The following STK40 variants were observed in gnomAD, a reference collection of about 807,000 sequenced individuals.
STK40 encodes serine/threonine kinase 40.
In STK40, 13 loss-of-function variants were observed where a neutral mutation model predicts 47.9. That is an observed-to-expected ratio of 0.27 (90% CI 0.18 to 0.43). The LOEUF (loss-of-function observed/expected upper bound fraction) is 0.43. Among genes scored for constraint, STK40 ranks in the 20% least tolerant of loss-of-function variants. STK40 has a pLI of 1.00. For missense variants in STK40, 460 were observed against 595.1 expected, an observed-to-expected ratio of 0.77 and a Z score of 2.36; for synonymous variants, 225 against 243.2, an observed-to-expected ratio of 0.93 and a Z score of 0.69.
In STK40 at chr1:36,345,960, G is replaced by A. The variant is rs140271988; in HGVS notation, c.740-1696C>T. On this transcript the variant is annotated intron_variant, in intron 7 of 10. Transcript: ENST00000373132. ...ACGATCATGCCAAACACTAGGTTAA[G>A]GGCATTACATATATATATATATATA... Among the ~76,000 whole-genome samples the A allele has an allele frequency of 6.5e-3, 721 of 111,538 alleles. 2 individuals carry two copies. Among genetic ancestry groups the A allele is most frequent in the African/African-American group, 0.025 (679 of 26,946 alleles). 73.2% of individuals were successfully genotyped at this position (111,538 alleles called of 152,430 possible).
chr1:36,347,123 G>A (rs1646710360), intron 7 of STK40, among the ~76,000 whole-genome samples: 1 of 151,958 alleles, frequency 6.6e-6, no homozygotes, highest in African/African-American at 2.4e-5. Context: ...TCCAGCAGAA[G>A]CGGCAGCTGG....
chr1:36,347,041 C>G (rs1213033024), intron 7 of STK40, among the ~76,000 whole-genome samples: 1 of 152,198 alleles, frequency 6.6e-6, no homozygotes. Flanking sequence ...GTGACTCTAA[C>G]CAAAACCCCC....
At chr1:36,383,280 C>T (rs959892778) in intron 1 of STK40, among the ~76,000 whole-genome samples, 11 of 152,228 alleles carry the variant, frequency 7.2e-5, no homozygotes, top group Non-Finnish European at 1.3e-4. Flanking sequence ...CTACTGCCTT[C>T]CCCAAAGGTC....
At chr1:36,374,706 G>C (rs1557523475) in intron 1 of STK40, among the ~76,000 whole-genome samples, 1 of 152,234 alleles carries the variant, frequency 6.6e-6, no homozygotes, top group Non-Finnish European at 1.5e-5. Context: ...AAGCAGCCAA[G>C]CACCCTGGCT....
intron 1 of STK40, among the ~76,000 whole-genome samples, chr1:36,384,031 CT>C (rs35654052): frequency 0.62 from 81,307 of 131,712 alleles, 24,827 homozygotes; most frequent in Middle Eastern, 0.73. Context: ...TCTTCTTCTT[CT>C]TTTTTTTTTT....
chr1:36,341,784 TG>T lies in STK40; in HGVS notation c.1278del (p.Ile427SerfsTer46). ...TTCCGCAGGTAGCGCTGCGCCAGGA[TG>T]GCCGTGTCCAAGGAGGTCATGGGCT... is the stretch of plus-strand genomic sequence containing the variant. ...DAQPMTSLDT[A>X]ILAQRYLRK On this transcript the variant is annotated frameshift_variant, in exon 11 of 11. Transcript: ENST00000373132. LOFTEE classifies it high-confidence loss of function. 6.2e-7 allele frequency: 1 copy of T among 1,612,252 alleles called. No individual in the cohort carries two copies. Among genetic ancestry groups the T allele is most frequent in the Non-Finnish European group, 8.5e-7 (1 of 1,179,714 alleles).
rs779487504 is a variant in STK40, at chr1:36,344,101, C to A, written c.884+19G>T. On this transcript the variant is annotated intron_variant, in intron 8 of 10. Coordinates refer to ENST00000373132, the MANE Select transcript of STK40 (RefSeq NM_001282547.2). ...ATCAGGCTGGCTGCCCCCCCCACCC[C>A]CCGGGAGGCAGGACTCACTCAGGAA... 6.3e-7 allele frequency: 1 copy of A among 1,583,504 alleles called. No homozygotes were observed. Among genetic ancestry groups the A allele is most frequent in the South Asian group, 1.1e-5 (1 of 88,674 alleles).
intron 10 of STK40, chr1:36,342,824 A>C: frequency 4.0e-6 from 1 of 249,192 alleles, no homozygotes; most frequent in African/African-American, 2.3e-5. Context: ...CAGGGAGGGA[A>C]GGTCCTTCCA....
At chr1:36,373,229 T>C (rs1646965522) in intron 1 of STK40, among the ~76,000 whole-genome samples, 1 of 152,174 alleles carries the variant, frequency 6.6e-6, no homozygotes, top group South Asian at 2.1e-4. Flanking sequence ...ACCAGGTCTT[T>C]GCTGGGTGAA....
At chr1:36,381,108 C>T (rs757812332) in intron 1 of STK40, among the ~76,000 whole-genome samples, 2 of 152,130 alleles carry the variant, frequency 1.3e-5, no homozygotes, top group Non-Finnish European at 2.9e-5. Flanking sequence ...TCTTCTCAAC[C>T]CTATTGCCTC....
At chr1:36,351,656 G>A (rs1338652502) in intron 6 of STK40, among the ~76,000 whole-genome samples, 3 of 152,152 alleles carry the variant, frequency 2.0e-5, no homozygotes, top group Non-Finnish European at 4.4e-5. Context: ...GCACCCTGAG[G>A]AGCACGCACT....
At chr1:36,381,096 C>G (rs1647036034) in intron 1 of STK40, among the ~76,000 whole-genome samples, 1 of 152,126 alleles carries the variant, frequency 6.6e-6, no homozygotes, top group South Asian at 2.1e-4. Context: ...CATCTCTGCT[C>G]TTCTTCTCAA....
chr1:36,370,722 T>C (rs1646938445), intron 1 of STK40, among the ~76,000 whole-genome samples: 1 of 152,172 alleles, frequency 6.6e-6, no homozygotes. Flanking sequence ...CATGGCTTTA[T>C]AGTTTACAAA....
At chr1:36,361,848 T>C (rs1469623192) in intron 1 of STK40, among the ~76,000 whole-genome samples, 1 of 152,126 alleles carries the variant, frequency 6.6e-6, no homozygotes, top group Admixed American at 6.5e-5. Context: ...ATGGGATGCT[T>C]GTTACACGAG....
intron 1 of STK40, among the ~76,000 whole-genome samples, chr1:36,381,995 C>G (rs986333867): frequency 6.6e-6 from 1 of 152,120 alleles, no homozygotes; most frequent in Non-Finnish European, 1.5e-5. Context: ...CTCCTCCTGC[C>G]CCCAGGACCC....
intron 1 of STK40, among the ~76,000 whole-genome samples, chr1:36,373,742 C>T (rs756886408): frequency 1.3e-5 from 2 of 152,242 alleles, no homozygotes; most frequent in Admixed American, 6.5e-5. Context: ...ATTTTTAAAA[C>T]GCAGGACATG....
chr1:36,364,482 T>A (rs536312842), intron 1 of STK40, among the ~76,000 whole-genome samples: 1 of 152,330 alleles, frequency 6.6e-6, no homozygotes, highest in East Asian at 1.9e-4. Context: ...ATTTCTGAGG[T>A]TGAATTTGTT....
rs367936346 is a variant in STK40 at position 36,379,058 on chromosome 1, G to C, written c.-9+6665C>G. ...CCTCACATCAGCTCTGCCCCAGAGA[G>C]AAATGACAAGCACATCAGTCCTGCT... On this transcript the variant is annotated intron_variant, in intron 1 of 10. Transcript: ENST00000373132. Among the ~76,000 whole-genome samples, 16 of 152,274 alleles carry C rather than the reference G, an allele frequency of 1.1e-4. 1 individual carries two copies. Among genetic ancestry groups the C allele is most frequent in the African/African-American group, 3.8e-4 (16 of 41,572 alleles).
chr1:36,361,729 C>A (rs920910156), intron 1 of STK40, among the ~76,000 whole-genome samples: 1 of 152,038 alleles, frequency 6.6e-6, no homozygotes, highest in African/African-American at 2.4e-5. Context: ...TGAACCCCAG[C>A]CCTGAGGTGA....
Sources: allele counts gnomAD v4.1 joint callset (sites outside exome capture counted in the v4.1 genomes callset), GRCh38; gene constraint gnomAD v4.1.1; transcripts MANE v1.5; gene names NCBI Gene and HGNC (gene_info 2026-07-23, HGNC 2026-07-21).